GRIN2B: variants seen among roughly 807,000 people sequenced by gnomAD.
The protein encoded by GRIN2B is glutamate receptor ionotropic, NMDA 2B.
Under a neutral mutation model 114.5 loss-of-function variants are expected in GRIN2B, and 5 were observed. That is an observed-to-expected ratio of 0.04 (90% CI 0.02 to 0.09). The LOEUF is 0.09. Among genes scored for constraint, GRIN2B ranks in the 10% least tolerant of loss-of-function variants. The pLI, the probability that GRIN2B is intolerant of heterozygous loss-of-function variation, is 1.00. For synonymous variants in GRIN2B, 787 were observed against 745.1 expected, an observed-to-expected ratio of 1.06 and a Z score of -0.92; for missense variants, 1,108 against 1,943.5, an observed-to-expected ratio of 0.57 and a Z score of 8.08.
intron 5 of GRIN2B, among the ~76,000 whole-genome samples, chr12:13,620,880 T>G (rs1949504229): frequency 6.6e-6 from 1 of 151,718 alleles, no homozygotes; most frequent in Non-Finnish European, 1.5e-5. Flanking sequence ...TTTTTTTTCG[T>G]TTCTTCAAGG....
At chr12:13,948,360 T>C (rs906870048) in intron 2 of GRIN2B, among the ~76,000 whole-genome samples, 3 of 152,158 alleles carry the variant, frequency 2.0e-5, no homozygotes, top group African/African-American at 7.2e-5. Flanking sequence ...TTGTTAGCCC[T>C]CTGGGGGGAC....
intron 2 of GRIN2B, among the ~76,000 whole-genome samples, chr12:13,969,401 T>G (rs1867841222): frequency 6.6e-6 from 1 of 152,242 alleles, no homozygotes; most frequent in Non-Finnish European, 1.5e-5. Context: ...CCTAGTTTGC[T>G]CCTTATAGCT....
chr12:13,975,407 C>G (rs890114446), intron 2 of GRIN2B, among the ~76,000 whole-genome samples: 2 of 152,234 alleles, frequency 1.3e-5, no homozygotes, highest in Non-Finnish European at 2.9e-5. Context: ...GCATTTCACT[C>G]TAATCAATGG....
chr12:13,867,182 T>C (rs1031160725), intron 2 of GRIN2B, among the ~76,000 whole-genome samples: 1 of 152,230 alleles, frequency 6.6e-6, no homozygotes, highest in Admixed American at 6.5e-5. Flanking sequence ...TCCTTTTTTT[T>C]TCCTGATGCC....
At chr12:13,917,026 G>T (rs1176993763) in intron 2 of GRIN2B, among the ~76,000 whole-genome samples, 1 of 152,038 alleles carries the variant, frequency 6.6e-6, no homozygotes, top group Non-Finnish European at 1.5e-5. Context: ...AACACGGGAA[G>T]AAAGGAAAGC....
intron 10 of GRIN2B, among the ~76,000 whole-genome samples, chr12:13,580,064 G>C (rs1273227477): frequency 6.6e-6 from 1 of 152,182 alleles, no homozygotes; most frequent in East Asian, 1.9e-4. Flanking sequence ...ACCAGGAGAG[G>C]AGCAGATTCT....
At chr12:13,748,126 AC>A (rs1863420183) in intron 4 of GRIN2B, among the ~76,000 whole-genome samples, 1 of 152,240 alleles carries the variant, frequency 6.6e-6, no homozygotes, top group Non-Finnish European at 1.5e-5. Context: ...GGCAACTTTC[AC>A]TAAGAAAGAA....
At chr12:13,759,172 T>C (rs1351096471) in intron 3 of GRIN2B, among the ~76,000 whole-genome samples, 3 of 151,860 alleles carry the variant, frequency 2.0e-5, no homozygotes, top group Non-Finnish European at 4.4e-5. Context: ...CACACCCAGC[T>C]AATTTTTTTT....
Position 13,558,248 on chromosome 12 carries a change from G to A in GRIN2B, c.*4535C>T, listed in dbSNP as rs1321935871. On this transcript the variant is annotated 3_prime_UTR_variant, in exon 14 of 14. Coordinates refer to ENST00000609686, the MANE Select transcript of GRIN2B (RefSeq NM_000834.5). ...GCCACAGTCCCTGGAAATGCTGAAT[G>A]CATTCATCAATATCACTGCAGTGAC... is the stretch of plus-strand genomic sequence containing the variant. 6.6e-6 allele frequency: 1 copy of A among 152,150 alleles called. No homozygotes were observed. The highest frequency in any genetic ancestry group is 1.5e-5 in the Non-Finnish European group (1 of 68,024). The allele number at this position is 152,150 out of a possible 1,614,324, so 9.4% of individuals were successfully genotyped here.
chr12:13,670,720 AC>A (rs1950015361), intron 5 of GRIN2B, among the ~76,000 whole-genome samples: 2 of 151,770 alleles, frequency 1.3e-5, no homozygotes, highest in Admixed American at 6.6e-5. Context: ...CACCATTTCT[AC>A]CCTTTCCAAC....
chr12:13,780,659 G>A (rs1455127525), intron 3 of GRIN2B, among the ~76,000 whole-genome samples: 3 of 152,136 alleles, frequency 2.0e-5, no homozygotes, highest in African/African-American at 7.2e-5. Flanking sequence ...CAGAGAGCAA[G>A]GGTTTATAAC....
chr12:13,748,881 T>C (rs1005549), intron 4 of GRIN2B, among the ~76,000 whole-genome samples: 25,704 of 152,244 alleles, frequency 0.17, 2,652 homozygotes, highest in Non-Finnish European at 0.24. Flanking sequence ...GGTATAAATA[T>C]GTCCCATGCA....
chr12:13,673,593 ATAAAG>A (rs1950043225), intron 5 of GRIN2B, among the ~76,000 whole-genome samples: 1 of 152,156 alleles, frequency 6.6e-6, no homozygotes, highest in Non-Finnish European at 1.5e-5. Flanking sequence ...TGGATCATAT[ATAAAG>A]TAAAGAATAA....
intron 10 of GRIN2B, among the ~76,000 whole-genome samples, chr12:13,586,244 G>C (rs56755788): frequency 0.051 from 7,764 of 152,168 alleles, 247 homozygotes; most frequent in African/African-American, 0.087. Context: ...GACCATACAT[G>C]GTTTAGGACA....
chr12:13,570,113 T>G, intron 11 of GRIN2B, 96 bp from the exon 12 acceptor site: 1 of 854,574 alleles, frequency 1.2e-6, no homozygotes. Flanking sequence ...TCCAGAAAAC[T>G]ATGTGGAGAA....
chr12:13,611,674 A>G lies in GRIN2B; in HGVS notation c.1780+51T>C, dbSNP rs1949366708. 1.9e-6 allele frequency: 3 copies of G among 1,587,756 alleles called. No homozygotes were observed. In the African/African-American group the frequency reaches 4.0e-5, roughly 21 times the overall value. ...AACAAATGAGGAGTCCAGAGATTTG[A>G]AAATAAGGAGAAAAAAACTGGGGAA... On this transcript the variant is annotated intron_variant, in intron 9 of 13. Transcript: ENST00000609686.
intron 13 of GRIN2B, 146 bp downstream of exon 13, chr12:13,566,879 A>G: frequency 1.4e-6 from 1 of 693,626 alleles, no homozygotes; most frequent in East Asian, 2.5e-5. Context: ...CATATCACAC[A>G]AACTCCTAAG....
intron 4 of GRIN2B, among the ~76,000 whole-genome samples, chr12:13,680,716 T>C (rs138487415): frequency 3.0e-3 from 460 of 152,238 alleles, no homozygotes; most frequent in African/African-American, 0.011. Context: ...TTAAGTCTTC[T>C]GACTCTCAGC....
Position 13,850,341 on chromosome 12 carries a change from A to G in GRIN2B, c.411+15457T>C, listed in dbSNP as rs930769590. Among the ~76,000 whole-genome samples the G allele has an allele frequency of 3.9e-5, 6 of 152,066 alleles. No homozygotes were observed. The South Asian group carries it at 1.2e-3, about 32-fold the overall frequency. On this transcript the variant is annotated intron_variant, in intron 3 of 13. Transcript: ENST00000609686. The stretch of plus-strand genomic sequence containing the variant: ...CCATGGTACAGAAAAAAATTCCCCC[A>G]ATCCCCAGGGTTATTGAAGAGTTTC...
Sources: gnomAD v4.1 joint callset for allele counts (sites outside exome capture counted in the v4.1 genomes callset) on GRCh38, gnomAD v4.1.1 for gene constraint, MANE v1.5 for transcripts, NCBI Gene and HGNC (gene_info 2026-07-23, HGNC 2026-07-21) for gene names.